PCDHGB4: variants seen among roughly 807,000 people sequenced by gnomAD.
PCDHGB4 encodes protocadherin gamma subfamily B, 4, also known as protocadherin gamma-B4.
Under a neutral mutation model 60.5 loss-of-function variants are expected in PCDHGB4, and 38 were observed. The observed-to-expected ratio is 0.63, with a 90% CI of 0.48 to 0.82. The LOEUF is 0.82. Among genes scored for constraint, PCDHGB4 ranks in the 40% least tolerant of loss-of-function variants. The pLI is 0.00. For missense variants in PCDHGB4, 1,109 were observed against 1,209.6 expected (o/e 0.92, Z 1.23); for synonymous variants, 456 against 509.7 (o/e 0.89, Z 1.42).
At chr5:141,414,100 G>A (rs1293589634) in intron 1 of PCDHGB4, 2 of 1,593,288 alleles carry the variant, frequency 1.3e-6, no homozygotes. Context: ...AAAAATATCA[G>A]AAAATCTAGA....
chr5:141,397,985 C>A (rs1034752721), intron 1 of PCDHGB4: 3 of 1,315,640 alleles, frequency 2.3e-6, no homozygotes, highest in Non-Finnish European at 2.1e-6. Context: ...GGCCTTTACA[C>A]CGCTTCCTCC....
At position 141,389,083 on chromosome 5, in the gene PCDHGB4, A is replaced by T; in HGVS notation, c.1199A>T (p.Tyr400Phe). ...FKILTSSRNTYKLVTDAVLDR... is the reference protein window; with the variant it reads ...FKILTSSRNTFKLVTDAVLDR... Reference sequence around the variant, plus strand: ...ATATTAACTTCTTCAAGAAACACGTATAAATTAGTGACAGATGCTGTTCTA... The same window carrying T: ...ATATTAACTTCTTCAAGAAACACGTTTAAATTAGTGACAGATGCTGTTCTA... The change falls in exon 1 of 4, where the codon TAT becomes TTT. Residue 400 changes from tyrosine (Y) to phenylalanine (F), a missense_variant. Physicochemically the swap from Tyr to Phe is conservative, Grantham distance 22. Coordinates refer to ENST00000519479, the MANE Select transcript of PCDHGB4 (RefSeq NM_003736.4). The T allele has an allele frequency of 1.9e-6, 3 of 1,614,058 alleles. No homozygotes were observed. The highest frequency in any genetic ancestry group is 2.5e-6 in the Non-Finnish European group (3 of 1,179,886).
At chr5:141,427,912 A>G in intron 1 of PCDHGB4, 1 of 1,577,806 alleles carries the variant, frequency 6.3e-7, no homozygotes, top group East Asian at 2.2e-5. Flanking sequence ...CTCAGCGCCA[A>G]CATGAGCCGG....
intron 1 of PCDHGB4, chr5:141,409,879 A>G (rs1175297210): frequency 1.9e-6 from 3 of 1,612,734 alleles, no homozygotes; most frequent in African/African-American, 2.7e-5. Flanking sequence ...ATGACAACGC[A>G]CCGCGGGTGC....
intron 1 of PCDHGB4, chr5:141,415,483 A>G: frequency 6.2e-7 from 1 of 1,614,212 alleles, no homozygotes; most frequent in South Asian, 1.1e-5. Context: ...CTCGCGAAAG[A>G]GTCACCTGAT....
intron 2 of PCDHGB4, among the ~76,000 whole-genome samples, chr5:141,501,109 C>G (rs909874167): frequency 2.0e-5 from 3 of 152,106 alleles, no homozygotes; most frequent in Non-Finnish European, 4.4e-5. Context: ...CCTCGTGATC[C>G]GCCTGCCTCA....
rs1561745511 is a variant in PCDHGB4 at position 141,413,844 on chromosome 5, C to T, written c.2397+23563C>T. The stretch of plus-strand genomic sequence containing the variant: ...TCCTCACCGCCTCCGACGGGGGTGA[C>T]CCTCTCCGATCTGGCACTGTCCTTG... On this transcript the variant is annotated intron_variant, in intron 1 of 3. Transcript: ENST00000519479. The T allele has an allele frequency of 5.6e-6, 9 of 1,613,254 alleles. No homozygotes were observed. The East Asian group carries it at 6.7e-5, about 12-fold the overall frequency.
Position 141,388,391 on chromosome 5 carries a change from T to C in PCDHGB4, c.507T>C (p.Asn169=). The C allele has an allele frequency of 1.2e-6, 2 of 1,613,964 alleles. No individual in the cohort carries two copies. The highest frequency in any genetic ancestry group is 1.7e-6 in the Non-Finnish European group (2 of 1,179,876). Residue 169 remains asparagine (N), a synonymous_variant, in exon 1 of 4, where the codon AAT becomes AAC. Transcript: ENST00000519479. The part of the protein sequence containing the change: ...DADIGSNTLQ[N]YQLSPSDHFS... Reference sequence around the variant, plus strand: ...ATATTGGTAGCAACACACTGCAGAATTACCAACTCAGTCCCAGTGATCATT... The same window carrying C: ...ATATTGGTAGCAACACACTGCAGAACTACCAACTCAGTCCCAGTGATCATT...
rs2095932484 is a variant in PCDHGB4, at chr5:141,415,751, T to TG, written c.2397+25470_2397+25471insG. 3.8e-6 allele frequency: 5 copies of TG among 1,328,726 alleles called. No homozygotes were observed. The African/African-American group carries it at 9.4e-5, about 25-fold the overall frequency. The allele number at this position is 1,328,726 out of a possible 1,614,324, so 82.3% of individuals were successfully genotyped here. On this transcript the variant is annotated intron_variant, in intron 1 of 3. Transcript: ENST00000519479. ...TGATGTTTATTAAGGTTTTTTTTTT[T>TG]TTTTTTTTTTTTTTTTTTTTTACTT... is the stretch of plus-strand genomic sequence containing the variant.
chr5:141,430,090 G>T (rs2097260736), intron 1 of PCDHGB4, among the ~76,000 whole-genome samples: 1 of 152,096 alleles, frequency 6.6e-6, no homozygotes, highest in Non-Finnish European at 1.5e-5. Context: ...ATGAAAATTT[G>T]ATTTTTAAGC....
chr5:141,490,584 T>G lies in PCDHGB4; in HGVS notation c.2398-4223T>G, dbSNP rs751060540. 1 of 1,614,170 alleles carries G rather than the reference T, an allele frequency of 6.2e-7. No individual in the cohort carries two copies. Among genetic ancestry groups the G allele is most frequent in the South Asian group, 1.1e-5 (1 of 91,080 alleles). ...TCAGGCTCAACATTTCAGATGTCAA[T>G]GACAATGCACCCCGCTTCAACCAGC... On this transcript the variant is annotated intron_variant, in intron 1 of 3. Transcript: ENST00000519479. This position sits in a 1 kb window ranked among gnomAD's most constrained non-coding sequence, Gnocchi z 5.4.
chr5:141,451,582 T>C (rs1361047985), intron 1 of PCDHGB4, among the ~76,000 whole-genome samples: 1 of 152,012 alleles, frequency 6.6e-6, no homozygotes, highest in Non-Finnish European at 1.5e-5. Flanking sequence ...TAAACCTAAT[T>C]TTGAAAGTGA....
chr5:141,393,373 A>G lies in PCDHGB4; in HGVS notation c.2397+3092A>G, dbSNP rs1364997808. 1 of 1,613,956 alleles carries G rather than the reference A, an allele frequency of 6.2e-7. No homozygotes were observed. The highest frequency in any genetic ancestry group is 1.3e-5 in the African/African-American group (1 of 75,054). On this transcript the variant is annotated intron_variant, in intron 1 of 3. Transcript: ENST00000519479. ...TCCCTGGACGTGCAGACTGGAGACA[A>G]TGGAGCCATAAACCCAGAGCTGGTG...
intron 2 of PCDHGB4, among the ~76,000 whole-genome samples, chr5:141,495,193 T>C (rs1471524188): frequency 6.6e-6 from 1 of 152,192 alleles, no homozygotes; most frequent in Admixed American, 6.5e-5. Context: ...TCTATGCCCA[T>C]GTACTGCCTA....
At chr5:141,418,348 T>C in intron 1 of PCDHGB4, 4 of 1,613,982 alleles carry the variant, frequency 2.5e-6, no homozygotes, top group Non-Finnish European at 3.4e-6. Context: ...CTGATATTAG[T>C]ATGAATTCGC....
intron 1 of PCDHGB4, chr5:141,393,111 C>T (rs762190466): frequency 1.2e-6 from 2 of 1,613,380 alleles, no homozygotes; most frequent in African/African-American, 2.7e-5. Context: ...CGCTCAGAGC[C>T]CGCGGTGTCT....
In PCDHGB4 at chr5:141,432,690, T is replaced by A. The variant is rs764124373; in HGVS notation, c.2397+42409T>A. 5.0e-6 allele frequency: 8 copies of A among 1,613,854 alleles called. No individual in the cohort carries two copies. The highest frequency in any genetic ancestry group is 2.7e-5 in the African/African-American group (2 of 74,940). ...GACGCGCTCAAGCAGAGCCTCGTAGTGGCCGTCCAGGACCACGGCCAGCCC... is the reference window on the plus strand; with the variant it reads ...GACGCGCTCAAGCAGAGCCTCGTAGAGGCCGTCCAGGACCACGGCCAGCCC... On this transcript the variant is annotated intron_variant, in intron 1 of 3. Coordinates refer to ENST00000519479, the MANE Select transcript of PCDHGB4 (RefSeq NM_003736.4). This position sits in a 1 kb window ranked among gnomAD's most constrained non-coding sequence, Gnocchi z 6.0.
chr5:141,477,274 G>A lies in PCDHGB4; in HGVS notation c.2398-17533G>A. The A allele has an allele frequency of 2.5e-6, 4 of 1,614,034 alleles. No homozygotes were observed. Among genetic ancestry groups the A allele is most frequent in the East Asian group, 2.2e-5 (1 of 44,880 alleles). ...ACCTGGATGCTGGCGAGAACGGGCT[G>A]GTGACCTGCGAAGTTCCACCGGGTC... On this transcript the variant is annotated intron_variant, in intron 1 of 3. Coordinates refer to ENST00000519479, the MANE Select transcript of PCDHGB4 (RefSeq NM_003736.4). This position sits in a 1 kb window ranked among gnomAD's most constrained non-coding sequence, Gnocchi z 4.9.
intron 1 of PCDHGB4, chr5:141,484,911 T>G (rs2154580253): frequency 9.3e-6 from 4 of 432,018 alleles, no homozygotes; most frequent in South Asian, 3.3e-5. Context: ...CTGCGACGCA[T>G]TAACCCTGCT....
Sources: gnomAD v4.1 joint callset for allele counts (sites outside exome capture counted in the v4.1 genomes callset) on GRCh38, gnomAD v4.1.1 for gene constraint, Gnocchi (gnomAD v3.1) non-coding constraint, MANE v1.5 for transcripts, NCBI Gene and HGNC (gene_info 2026-07-23, HGNC 2026-07-21) for gene names.